Variants in ITFG1 observed in about 807,000 individuals in gnomAD.
The protein encoded by ITFG1 is T-cell immunomodulatory protein.
Under a neutral mutation model 81.8 loss-of-function variants are expected in ITFG1, and 34 were observed. The ratio of observed to expected loss-of-function variants is 0.42; its 90% CI spans 0.32 to 0.55. The LOEUF is 0.55. ITFG1 is among the 20% of genes least tolerant of loss of function. ITFG1 has a pLI of 0.17. For synonymous variants in ITFG1, 285 were observed against 270.6 expected (o/e 1.05, Z -0.52); for missense variants, 672 against 755.4 (o/e 0.89, Z 1.29).
At chr16:47,186,228 G>A (rs1481368232) in intron 14 of ITFG1, among the ~76,000 whole-genome samples, 2 of 152,154 alleles carry the variant, frequency 1.3e-5, no homozygotes, top group African/African-American at 4.8e-5. Context: ...CCAATCAACA[G>A]AAAAAGAGGG....
In ITFG1 at chr16:47,318,560, T is replaced by A. The variant is rs192005446; in HGVS notation, c.803-4737A>T. ...ATTAAAATTTATATTTTACGCTCCA[T>A]AGAAGAATAGTTCTCAAACTTTTAA... On this transcript the variant is annotated intron_variant, in intron 8 of 17. Coordinates refer to ENST00000320640, the MANE Select transcript of ITFG1 (RefSeq NM_030790.5). Among the ~76,000 whole-genome samples the A allele has an allele frequency of 1.8e-4, 27 of 152,258 alleles. No individual in the cohort carries two copies. In the East Asian group the frequency reaches 4.8e-3, roughly 27 times the overall value.
intron 8 of ITFG1, among the ~76,000 whole-genome samples, chr16:47,349,132 C>T (rs952079231): frequency 4.4e-4 from 67 of 152,162 alleles, no homozygotes; most frequent in African/African-American, 1.5e-3. Context: ...ACCACTGATG[C>T]TAGGAAGAAA....
intron 8 of ITFG1, among the ~76,000 whole-genome samples, chr16:47,329,632 T>C (rs1385267944): frequency 6.6e-6 from 1 of 152,200 alleles, no homozygotes; most frequent in African/African-American, 2.4e-5. Context: ...ACTGAGTGTT[T>C]ACTATGTGCA....
chr16:47,186,860 T>C (rs544629838), intron 14 of ITFG1, among the ~76,000 whole-genome samples: 4 of 152,004 alleles, frequency 2.6e-5, no homozygotes, highest in African/African-American at 9.7e-5. Flanking sequence ...ATCTAGAAAA[T>C]CCCATTGTCT....
At chr16:47,375,459 G>A (rs564635131) in intron 7 of ITFG1, among the ~76,000 whole-genome samples, 6 of 151,302 alleles carry the variant, frequency 4.0e-5, no homozygotes, top group Non-Finnish European at 7.4e-5. Flanking sequence ...TAGTCAACGT[G>A]GCAGTAAGTT....
Position 47,302,936 on chromosome 16 carries a change from C to T in ITFG1, c.1070+8304G>A, listed in dbSNP as rs1488939972. ...AGCTTCTTCTCTGCAAAAACAGAGA[C>T]GGGGTCTTGATATTTAGATTTAGTG... is the stretch of plus-strand genomic sequence containing the variant. On this transcript the variant is annotated intron_variant, in intron 10 of 17. Transcript: ENST00000320640. Among the ~76,000 whole-genome samples the T allele has an allele frequency of 6.6e-5, 10 of 152,086 alleles. No homozygotes were observed. In the East Asian group the frequency reaches 9.6e-4, roughly 15 times the overall value.
intron 2 of ITFG1, among the ~76,000 whole-genome samples, chr16:47,458,609 T>C (rs1031305269): frequency 6.6e-6 from 1 of 152,164 alleles, no homozygotes; most frequent in Non-Finnish European, 1.5e-5. Context: ...AAAATAACTA[T>C]TACTTGAACA....
intron 6 of ITFG1, among the ~76,000 whole-genome samples, chr16:47,398,540 G>C (rs1253006375): frequency 6.6e-6 from 1 of 152,030 alleles, no homozygotes; most frequent in Non-Finnish European, 1.5e-5. Flanking sequence ...CAGTGATGAT[G>C]GTAATTTATA....
At chr16:47,393,773 A>C (rs993225627) in intron 6 of ITFG1, among the ~76,000 whole-genome samples, 4 of 152,160 alleles carry the variant, frequency 2.6e-5, no homozygotes, top group Admixed American at 1.3e-4. Context: ...ACAGTGACAA[A>C]GTTAAGTCAC....
chr16:47,395,882 T>A (rs1375596802), intron 6 of ITFG1, among the ~76,000 whole-genome samples: 1 of 152,232 alleles, frequency 6.6e-6, no homozygotes, highest in African/African-American at 2.4e-5. Context: ...GTCAGCAGTA[T>A]GCAATCCTAG....
At chr16:47,312,817 G>A (rs1406924121) in intron 9 of ITFG1, 1 of 152,146 alleles carries the variant, frequency 6.6e-6, no homozygotes, top group Non-Finnish European at 1.5e-5. Context: ...CCAAAGAACT[G>A]TGACATTTAT....
At chr16:47,287,233 T>C (rs762518529) in intron 10 of ITFG1, among the ~76,000 whole-genome samples, 1 of 152,080 alleles carries the variant, frequency 6.6e-6, no homozygotes, top group Non-Finnish European at 1.5e-5. Context: ...TTTAAATATA[T>C]ATATATTTAC....
chr16:47,449,496 A>C (rs1182447553), intron 5 of ITFG1: 1 of 152,248 alleles, frequency 6.6e-6, no homozygotes. Flanking sequence ...TGATATTGTT[A>C]GACTACAGTC....
At chr16:47,226,524 C>G (rs1431205123) in intron 13 of ITFG1, among the ~76,000 whole-genome samples, 1 of 109,822 alleles carries the variant, frequency 9.1e-6, no homozygotes, top group African/African-American at 3.5e-5. Context: ...CCTCCCCCCT[C>G]CCCCCACCCC....
At chr16:47,331,471 A>C (rs1967636360) in intron 8 of ITFG1, among the ~76,000 whole-genome samples, 1 of 152,134 alleles carries the variant, frequency 6.6e-6, no homozygotes, top group South Asian at 2.1e-4. Flanking sequence ...GACCCTCTGA[A>C]TCTAAACTAA....
At chr16:47,181,320 C>T (rs1184047727) in intron 14 of ITFG1, among the ~76,000 whole-genome samples, 81 of 150,888 alleles carry the variant, frequency 5.4e-4, no homozygotes, top group South Asian at 1.3e-3. Flanking sequence ...GGAGCGTCTC[C>T]GCCTGGCAGC....
intron 14 of ITFG1, among the ~76,000 whole-genome samples, chr16:47,181,621 G>A (rs542052754): frequency 1.0e-3 from 150 of 149,100 alleles, no homozygotes; most frequent in Non-Finnish European, 1.7e-3. Flanking sequence ...GCCTCTGCCC[G>A]GCCGCCCCTA....
chr16:47,358,478 GAATT>G (rs1968069241), intron 8 of ITFG1, among the ~76,000 whole-genome samples: 1 of 152,144 alleles, frequency 6.6e-6, no homozygotes, highest in Admixed American at 6.5e-5. Flanking sequence ...GGAAGACTAA[GAATT>G]AACAATTTAT....
chr16:47,383,969 T>G (rs914068421), intron 6 of ITFG1, among the ~76,000 whole-genome samples: 2 of 152,232 alleles, frequency 1.3e-5, no homozygotes, highest in African/African-American at 2.4e-5. Flanking sequence ...AAATTACATT[T>G]TTTAATGCAT....
Sources: allele counts gnomAD v4.1 joint callset (sites outside exome capture counted in the v4.1 genomes callset), GRCh38; gene constraint gnomAD v4.1.1; transcripts MANE v1.5; gene names NCBI Gene and HGNC (gene_info 2026-07-23, HGNC 2026-07-21).